The following MLIP variants were observed in gnomAD, a reference collection of about 807,000 sequenced individuals.
MLIP encodes muscular LMNA interacting protein.
Under a neutral mutation model 84.8 loss-of-function variants are expected in MLIP, and 79 were observed. That is an observed-to-expected ratio of 0.93 (90% confidence interval 0.78 to 1.12). MLIP has a LOEUF of 1.12. Ranked by LOEUF, MLIP falls within the 50% of genes most tolerant of loss-of-function variation. The probability of loss-of-function intolerance (pLI) is 0.00; values close to 1 mark genes in which losing one functional copy is unlikely to be tolerated. For missense variants in MLIP, 1,257 were observed against 1,160.6 expected (o/e 1.08, Z -1.21); for synonymous variants, 504 against 463.0 (o/e 1.09, Z -1.14).
At chr6:54,249,616 C>G (rs1283532087) in intron 12 of MLIP, among the ~76,000 whole-genome samples, 2 of 151,548 alleles carry the variant, frequency 1.3e-5, no homozygotes, top group Non-Finnish European at 2.9e-5. Context: ...TAAAACCAAT[C>G]AACTAGTGTT....
intron 10 of MLIP, among the ~76,000 whole-genome samples, chr6:54,193,066 A>G (rs1778057142): frequency 6.6e-6 from 1 of 152,214 alleles, no homozygotes; most frequent in Admixed American, 6.5e-5. Flanking sequence ...AAAGGAAAGA[A>G]GAAATAGAGC....
chr6:54,128,346 T>A (rs1297050925), intron 3 of MLIP, among the ~76,000 whole-genome samples: 1 of 151,970 alleles, frequency 6.6e-6, no homozygotes, highest in African/African-American at 2.4e-5. Context: ...AAGGTAAAAG[T>A]AGGAAGACAG....
At chr6:54,068,076 C>CTTCCTTCCTTCCTTCCTTCCTTCCTTCT (rs1766302138) in intron 1 of MLIP, among the ~76,000 whole-genome samples, 2 of 75,704 alleles carry the variant, frequency 2.6e-5, no homozygotes, top group African/African-American at 6.1e-5. Context: ...TCCTTCCTTC[C>CTTCCTTCCTTCCTTCCTTCCTTCCTTCT]TTCCTTCCTT....
At position 54,149,095 on chromosome 6, in the gene MLIP, A is replaced by G; in HGVS notation, c.2257A>G (p.Ile753Val). Residue 753 changes from isoleucine to valine, a missense_variant, in exon 5 of 14, where the codon ATC (isoleucine) becomes GTC (valine). Coordinates refer to ENST00000502396, the MANE Select transcript of MLIP (RefSeq NM_001281747.2). ...TKSSYKAFAAIPTNTLLLEQK... is the reference protein window; with the variant it reads ...TKSSYKAFAAVPTNTLLLEQK... The stretch of plus-strand genomic sequence containing the variant: ...GTCAAGCTACAAGGCTTTTGCAGCA[A>G]TCCCTACAAACACATTGCTTTTGGA... 1 of 1,613,018 alleles carries G rather than the reference A, an allele frequency of 6.2e-7. No individual in the cohort carries two copies. The highest frequency in any genetic ancestry group is 8.5e-7 in the Non-Finnish European group (1 of 1,179,280).
intron 11 of MLIP, among the ~76,000 whole-genome samples, chr6:54,230,419 A>G (rs1780904385): frequency 6.6e-6 from 1 of 152,096 alleles, no homozygotes; most frequent in Non-Finnish European, 1.5e-5. Context: ...CTTCTTCCTT[A>G]CAGATATCTC....
chr6:54,169,504 A>G (rs1205660747), intron 8 of MLIP, 24 bp from the exon 9 acceptor site: 6 of 1,544,604 alleles, frequency 3.9e-6, no homozygotes, highest in South Asian at 2.5e-5. Context: ...TTTCAGATGT[A>G]TAATTGTTTT....
chr6:54,124,621 A>G lies in MLIP; in HGVS notation c.401A>G (p.Asp134Gly). 6.2e-7 allele frequency: 1 copy of G among 1,614,096 alleles called. No individual in the cohort carries two copies. Among genetic ancestry groups the G allele is most frequent in the Non-Finnish European group, 8.5e-7 (1 of 1,180,014 alleles). Residue 134 changes from aspartate (D) to glycine (G), a missense_variant, in exon 3 of 14, where the codon GAC (aspartate) becomes GGC (glycine). Coordinates refer to ENST00000502396, the MANE Select transcript of MLIP (RefSeq NM_001281747.2). ...AAACTTCAAGGGATGCAGCAAAGTG[A>G]CCTCTTCAAAGCTGAATATGTCCTT... ...ANKLQGMQQS[D>G]LFKAEYVLIV... is the part of the protein sequence containing the mutation.
At chr6:54,225,570 C>T (rs1329225989) in intron 11 of MLIP, among the ~76,000 whole-genome samples, 1 of 152,108 alleles carries the variant, frequency 6.6e-6, no homozygotes, top group East Asian at 1.9e-4. Flanking sequence ...TTATAAAACC[C>T]AGCAGAAGTT....
In MLIP at chr6:54,137,388, C is replaced by G. The variant is rs532597052; in HGVS notation, c.1319C>G (p.Ser440Cys). The change falls in exon 4 of 14, where the codon TCT (serine) becomes TGT (cysteine). Residue 440 changes from serine (S) to cysteine (C), a missense_variant. Transcript: ENST00000502396. ...PFSPASCPTF[S>C]LNSPASSTLT... ...TCCCCTGCATCCTGTCCCACCTTCT[C>G]TCTCAACTCCCCGGCCTCTTCCACG... The G allele has an allele frequency of 5.1e-5, 79 of 1,536,160 alleles. No individual in the cohort carries two copies. In the African/African-American group the frequency reaches 9.8e-4, roughly 19 times the overall value.
intron 11 of MLIP, among the ~76,000 whole-genome samples, chr6:54,211,146 A>G (rs543056917): frequency 3.9e-5 from 6 of 152,306 alleles, no homozygotes; most frequent in South Asian, 4.1e-4. Context: ...AGTCTGAGGC[A>G]GGAGAATCGC....
intron 11 of MLIP, 39 bp downstream of exon 11, chr6:54,202,272 A>T: frequency 3.2e-6 from 3 of 940,580 alleles, no homozygotes; most frequent in Non-Finnish European, 4.0e-6. Context: ...TATTTTGATA[A>T]ATATAAATAT....
intron 11 of MLIP, chr6:54,203,742 C>T (rs535956686): frequency 4.1e-4 from 63 of 152,546 alleles, no homozygotes; most frequent in African/African-American, 1.3e-3. Context: ...CCTGCCACCA[C>T]TCCCGGCTAA....
chr6:54,100,077 A>G (rs1408781647), intron 1 of MLIP, among the ~76,000 whole-genome samples: 1 of 152,200 alleles, frequency 6.6e-6, no homozygotes, highest in South Asian at 2.1e-4. Flanking sequence ...TTGGAAACTC[A>G]GGATTATAAT....
chr6:54,108,584 A>G (rs909661752), upstream of MLIP, among the ~76,000 whole-genome samples: 2 of 152,352 alleles, frequency 1.3e-5, no homozygotes, highest in African/African-American at 2.4e-5. Context: ...GACTTCTAGT[A>G]TTATAAGAAA....
At chr6:54,200,982 AAAAGG>A (rs1778638485) in intron 10 of MLIP, among the ~76,000 whole-genome samples, 1 of 152,254 alleles carries the variant, frequency 6.6e-6, no homozygotes, top group Non-Finnish European at 1.5e-5. Context: ...ACCATTTTCC[AAAAGG>A]AAATGGGGTT....
chr6:54,110,369 T>G (rs74836866), upstream of MLIP, among the ~76,000 whole-genome samples: 1 of 152,170 alleles, frequency 6.6e-6, no homozygotes, highest in Non-Finnish European at 1.5e-5. Flanking sequence ...CATTAGCTTT[T>G]TGAGGGCAAG....
chr6:54,055,955 G>A (rs1416384447), intron 1 of MLIP, among the ~76,000 whole-genome samples: 1 of 152,056 alleles, frequency 6.6e-6, no homozygotes, highest in African/African-American at 2.4e-5. Context: ...TGGGTTATCT[G>A]TGAGTTATTA....
At chr6:54,204,960 T>C (rs763114835) in intron 11 of MLIP, among the ~76,000 whole-genome samples, 36 of 152,288 alleles carry the variant, frequency 2.4e-4, no homozygotes, top group Admixed American at 4.6e-4. Context: ...AAGCCTAGCA[T>C]ACCACTTAAA....
chr6:54,140,549 G>A (rs536458516), intron 4 of MLIP, among the ~76,000 whole-genome samples: 1 of 152,058 alleles, frequency 6.6e-6, no homozygotes, highest in Non-Finnish European at 1.5e-5. Flanking sequence ...TTCTTATCAT[G>A]GGTAAAATTT....
Sources: gnomAD v4.1 joint callset for allele counts (sites outside exome capture counted in the v4.1 genomes callset) on GRCh38, gnomAD v4.1.1 for gene constraint, MANE v1.5 for transcripts, NCBI Gene and HGNC (gene_info 2026-07-23, HGNC 2026-07-21) for gene names.